The following MED12L variants were observed in gnomAD, a reference collection of about 807,000 sequenced individuals.
MED12L encodes mediator of RNA polymerase II transcription subunit 12-like protein.
A neutral mutation model predicts 281.3 loss-of-function variants in MED12L; 60 were observed. That is an observed-to-expected ratio of 0.21 (90% CI 0.17 to 0.26). The LOEUF (loss-of-function observed/expected upper bound fraction) is 0.26. Ranked by LOEUF, MED12L falls within the 10% of genes least tolerant of loss-of-function variation. The pLI, the probability that MED12L is intolerant of heterozygous loss-of-function variation, is 1.00. For missense variants in MED12L, 2,146 were observed against 2,680.9 expected, an observed-to-expected ratio of 0.80 and a Z score of 4.41; for synonymous variants, 974 against 987.2, an observed-to-expected ratio of 0.99 and a Z score of 0.25.
In MED12L at chr3:151,294,410, T is replaced by A. The variant is rs760952687; in HGVS notation, c.2251-55649T>A. 6.2e-7 allele frequency: 1 copy of A among 1,614,178 alleles called. No homozygotes were observed. Among genetic ancestry groups the A allele is most frequent in the Non-Finnish European group, 8.5e-7 (1 of 1,179,994 alleles). ...AGATTCATCTAAAAGCCTGTCTAAG[T>A]GACTAAAAGTAAAAGGAATTCTGCA... On this transcript the variant is annotated intron_variant, in intron 16 of 44. Coordinates refer to ENST00000687756, the MANE Select transcript of MED12L (RefSeq NM_001393769.1).
At position 151,351,935 on chromosome 3, in the gene MED12L, G is replaced by A. The variant is rs566635613; in HGVS notation, c.2398+1729G>A. On this transcript the variant is annotated intron_variant, in intron 17 of 44. Coordinates refer to ENST00000687756, the MANE Select transcript of MED12L (RefSeq NM_001393769.1). ...ATTCTAGCATATGAACTCACAAAGC[G>A]AAAAACATTGTTGTTCTGTGCTGCC... Among the ~76,000 whole-genome samples, 158 of 152,276 alleles carry A rather than the reference G, an allele frequency of 1.0e-3. 2 individuals are homozygous for A. Among genetic ancestry groups the A allele is most frequent in the African/African-American group, 3.3e-3 (137 of 41,560 alleles).
At chr3:151,425,771 CAT>C (rs1233272469) in intron 43 of MED12L, 2 of 456,306 alleles carry the variant, frequency 4.4e-6, no homozygotes, top group Admixed American at 4.7e-5. Context: ...CATGTTAAAC[CAT>C]ATGTTTGCTA....
intron 16 of MED12L, among the ~76,000 whole-genome samples, chr3:151,254,070 T>C (rs1737352901): frequency 6.6e-6 from 1 of 151,518 alleles, no homozygotes; most frequent in Admixed American, 6.6e-5. Flanking sequence ...TAAGAAACAA[T>C]TTAAAAAAAC....
At chr3:151,140,718 C>T (rs576490641) in intron 5 of MED12L, among the ~76,000 whole-genome samples, 31 of 152,172 alleles carry the variant, frequency 2.0e-4, no homozygotes, top group Non-Finnish European at 2.9e-4. Context: ...CTTGTTCTGT[C>T]GCCCAGGCTG....
At chr3:151,178,157 C>CACAA (rs767097879) in intron 11 of MED12L, among the ~76,000 whole-genome samples, 8 of 49,124 alleles carry the variant, frequency 1.6e-4, no homozygotes, top group African/African-American at 5.3e-4. Flanking sequence ...GACTTGGTCT[C>CACAA]AAAAAAAAAA....
chr3:151,345,190 T>G (rs980358311), intron 16 of MED12L, among the ~76,000 whole-genome samples: 2 of 152,166 alleles, frequency 1.3e-5, no homozygotes, highest in Admixed American at 6.5e-5. Context: ...ACATGGGAGA[T>G]GACACATTCA....
chr3:151,278,072 A>G (rs1035320620), intron 16 of MED12L, among the ~76,000 whole-genome samples: 69 of 152,236 alleles, frequency 4.5e-4, no homozygotes, highest in African/African-American at 1.6e-3. Context: ...ATCATAAATG[A>G]TAATATTTCA....
At chr3:151,329,077 T>C in intron 16 of MED12L, 1 of 1,150,726 alleles carries the variant, frequency 8.7e-7, no homozygotes, top group Non-Finnish European at 1.2e-6. Flanking sequence ...AATGCTATTT[T>C]TTAAAAACAG....
At chr3:151,406,802 C>CTT (rs36114038) in intron 39 of MED12L, among the ~76,000 whole-genome samples, 2,183 of 137,332 alleles carry the variant, frequency 0.016, 59 homozygotes, top group African/African-American at 0.045. Context: ...TCTTCTTCTT[C>CTT]TTTTTTTTTT....
chr3:151,212,168 A>G (rs1229931176), intron 16 of MED12L: 6 of 152,242 alleles, frequency 3.9e-5, no homozygotes, highest in Admixed American at 3.9e-4. Flanking sequence ...CATGAAATAG[A>G]TACAAACATT....
At chr3:151,428,389 A>G (rs1032088453) in intron 43 of MED12L, among the ~76,000 whole-genome samples, 8 of 152,246 alleles carry the variant, frequency 5.3e-5, no homozygotes, top group Non-Finnish European at 1.0e-4. Flanking sequence ...AATGGAAAAA[A>G]ATGGCAAGCT....
intron 38 of MED12L, among the ~76,000 whole-genome samples, chr3:151,393,222 C>T (rs371903936): frequency 6.6e-5 from 10 of 151,684 alleles, no homozygotes; most frequent in Non-Finnish European, 1.2e-4. Context: ...TGGGGGCTTC[C>T]GTATTTAAAG....
chr3:151,247,409 T>G (rs1362341541), intron 16 of MED12L, among the ~76,000 whole-genome samples: 2 of 152,040 alleles, frequency 1.3e-5, no homozygotes, highest in African/African-American at 4.8e-5. Context: ...GTGGCACATG[T>G]ACACCATGGA....
chr3:151,338,106 A>G (rs1281080506), intron 16 of MED12L: 1 of 1,614,040 alleles, frequency 6.2e-7, no homozygotes, highest in East Asian at 2.2e-5. Flanking sequence ...AACAAAACAA[A>G]TAAAGAATAC....
intron 27 of MED12L, among the ~76,000 whole-genome samples, chr3:151,373,401 G>A (rs1472154144): frequency 1.3e-5 from 2 of 152,170 alleles, no homozygotes; most frequent in Non-Finnish European, 2.9e-5. Flanking sequence ...AGTGGGGACT[G>A]TGTAGTTACT....
Position 151,204,465 on chromosome 3 carries a change from G to T in MED12L, c.2250+10799G>T, listed in dbSNP as rs550017383. On this transcript the variant is annotated intron_variant, in intron 16 of 44. Coordinates refer to ENST00000687756, the MANE Select transcript of MED12L (RefSeq NM_001393769.1). ...TATAATTATTATTTTTGCCAGTGAAGACCATAAATTATAAACTAGGAGGGA... is the reference window on the plus strand; with the variant it reads ...TATAATTATTATTTTTGCCAGTGAATACCATAAATTATAAACTAGGAGGGA... Among the ~76,000 whole-genome samples the T allele has an allele frequency of 4.4e-4, 67 of 152,190 alleles. 1 individual carries two copies. Among genetic ancestry groups the T allele is most frequent in the African/African-American group, 1.5e-3 (63 of 41,530 alleles).
chr3:151,102,990 C>T (rs773650047), intron 2 of MED12L, among the ~76,000 whole-genome samples: 2 of 152,118 alleles, frequency 1.3e-5, no homozygotes, highest in Non-Finnish European at 2.9e-5. Flanking sequence ...GTTCTCTGCC[C>T]TCAGATCACC....
intron 16 of MED12L, among the ~76,000 whole-genome samples, chr3:151,194,613 T>G (rs1724409759): frequency 1.3e-5 from 2 of 152,222 alleles, no homozygotes; most frequent in East Asian, 3.9e-4. Context: ...TAGGCTCAGA[T>G]TTGGACTGGT....
rs1161254625 is a variant in MED12L at position 151,328,400 on chromosome 3, G to A, written c.2251-21659G>A. The stretch of plus-strand genomic sequence containing the variant: ...AAACACAAGCATTAGGATAAAAACA[G>A]TCCAGAAAATAAACTGGCATATGTT... On this transcript the variant is annotated intron_variant, in intron 16 of 44. Coordinates refer to ENST00000687756, the MANE Select transcript of MED12L (RefSeq NM_001393769.1). 1.9e-6 allele frequency: 3 copies of A among 1,613,432 alleles called. No individual in the cohort carries two copies. The African/African-American group carries it at 4.0e-5, about 22-fold the overall frequency.
Sources: allele counts gnomAD v4.1 joint callset (sites outside exome capture counted in the v4.1 genomes callset), GRCh38; gene constraint gnomAD v4.1.1; transcripts MANE v1.5; gene names NCBI Gene and HGNC (gene_info 2026-07-23, HGNC 2026-07-21).